Variants in KRAS observed in about 807,000 individuals in gnomAD.
The protein encoded by KRAS is GTPase KRas.
Under a neutral mutation model 21.0 loss-of-function variants are expected in KRAS, and 1 was observed. That is an observed-to-expected ratio of 0.05 (90% CI 0.02 to 0.23). The LOEUF (loss-of-function observed/expected upper bound fraction) is 0.23. Ranked by LOEUF, KRAS falls within the 10% of genes least tolerant of loss-of-function variation. The pLI is 1.00. For synonymous variants in KRAS, 67 were observed against 72.5 expected, an observed-to-expected ratio of 0.92 and a Z score of 0.39; for missense variants, 107 against 221.8, an observed-to-expected ratio of 0.48 and a Z score of 3.29.
Position 25,209,040 on chromosome 12 carries a change from A to G in KRAS, c.*755T>C. ...AGTAGCATGTAAATATAGCCCCAAA[A>G]TGGTTGCTATAATAATCCCCATTTC... On this transcript the variant is annotated 3_prime_UTR_variant, in exon 5 of 5. Transcript: ENST00000311936. The G allele has an allele frequency of 7.6e-6, 3 of 395,942 alleles. No individual in the cohort carries two copies. Among genetic ancestry groups the G allele is most frequent in the Non-Finnish European group, 1.3e-5 (3 of 224,636 alleles). 24.5% of individuals were successfully genotyped at this position (395,942 alleles called of 1,614,324 possible). A position where few individuals can be genotyped will look rare whatever the true frequency, so the allele number is the denominator to read the frequency against.
intron 2 of KRAS, among the ~76,000 whole-genome samples, chr12:25,235,959 C>T (rs970791146): frequency 5.3e-5 from 8 of 152,246 alleles, no homozygotes; most frequent in African/African-American, 1.9e-4. Flanking sequence ...GTTCACGCTC[C>T]TATTAGAATC....
chr12:25,242,548 G>A (rs1467969369), intron 2 of KRAS, among the ~76,000 whole-genome samples: 4 of 152,006 alleles, frequency 2.6e-5, no homozygotes, highest in African/African-American at 9.7e-5. Flanking sequence ...CTTCATAAAA[G>A]ATAACAATAT....
At chr12:25,229,770 CTTTT>C (rs11287628) in intron 2 of KRAS, among the ~76,000 whole-genome samples, 4 of 128,642 alleles carry the variant, frequency 3.1e-5, no homozygotes, top group East Asian at 2.3e-4. Flanking sequence ...ATTAATGTAT[CTTTT>C]TTTTTTTTTT....
intron 1 of KRAS, among the ~76,000 whole-genome samples, chr12:25,249,764 G>T (rs1473229739): frequency 1.3e-5 from 2 of 152,070 alleles, no homozygotes; most frequent in Non-Finnish European, 2.9e-5. Context: ...GTATAAAAGA[G>T]ACGAGGGGAT....
intron 2 of KRAS, among the ~76,000 whole-genome samples, chr12:25,240,025 C>T (rs1238339148): frequency 6.6e-6 from 1 of 151,876 alleles, no homozygotes; most frequent in East Asian, 1.9e-4. Context: ...GACACACTAC[C>T]TACCTTACTT....
intron 4 of KRAS, among the ~76,000 whole-genome samples, chr12:25,217,210 C>A (rs181881763): frequency 7.9e-5 from 12 of 152,226 alleles, no homozygotes; most frequent in Admixed American, 1.3e-4. Context: ...ATGGCTAGGG[C>A]TTAATTTTTG....
intron 2 of KRAS, among the ~76,000 whole-genome samples, chr12:25,228,513 A>C (rs61762363): frequency 0.015 from 2,347 of 152,216 alleles, 42 homozygotes; most frequent in Middle Eastern, 0.054. Context: ...GCCAACACAA[A>C]AGGACAAATA....
At chr12:25,231,631 C>G (rs1204673205) in intron 2 of KRAS, among the ~76,000 whole-genome samples, 1 of 152,038 alleles carries the variant, frequency 6.6e-6, no homozygotes, top group African/African-American at 2.4e-5. Flanking sequence ...TTTTCCCTAC[C>G]AGACCTTAAA....
At chr12:25,224,552 A>G (rs61762413) in intron 4 of KRAS, among the ~76,000 whole-genome samples, 29 of 152,350 alleles carry the variant, frequency 1.9e-4, no homozygotes, top group African/African-American at 6.7e-4. Context: ...TCAAAATGTT[A>G]GGAAAAATTA....
chr12:25,215,463 A>G, intron 4 of KRAS: 1 of 1,612,534 alleles, frequency 6.2e-7, no homozygotes, highest in Non-Finnish European at 8.5e-7. Context: ...GCATTTTTTA[A>G]TTTTCACACA....
intron 2 of KRAS, among the ~76,000 whole-genome samples, chr12:25,228,393 G>A (rs1440116294): frequency 6.6e-6 from 1 of 151,762 alleles, no homozygotes; most frequent in Non-Finnish European, 1.5e-5. Flanking sequence ...AAAAAAATCT[G>A]AAATCCAAAC....
chr12:25,244,784 T>A (rs1443466396), intron 2 of KRAS, among the ~76,000 whole-genome samples: 2 of 152,032 alleles, frequency 1.3e-5, no homozygotes, highest in Non-Finnish European at 2.9e-5. Context: ...CTTAGGCAAA[T>A]AATTCATTTT....
At chr12:25,226,203 G>A (rs1685294039) in intron 3 of KRAS, among the ~76,000 whole-genome samples, 1 of 152,100 alleles carries the variant, frequency 6.6e-6, no homozygotes, top group Non-Finnish European at 1.5e-5. Context: ...AAACAAAGTG[G>A]ACAACTAGAA....
In KRAS at chr12:25,208,123, A is replaced by G. The variant is rs1951159609; in HGVS notation, c.*1672T>C. ...TTTACAGATTGTGCTGAGCTTGACAAATAAGTGTATCCTTATGTAAATGGA... is the reference window on the plus strand; with the variant it reads ...TTTACAGATTGTGCTGAGCTTGACAGATAAGTGTATCCTTATGTAAATGGA... On this transcript the variant is annotated 3_prime_UTR_variant, in exon 5 of 5. Coordinates refer to ENST00000311936, the MANE Select transcript of KRAS (RefSeq NM_004985.5). The G allele has an allele frequency of 8.6e-6, 2 of 233,366 alleles. No homozygotes were observed. The highest frequency in any genetic ancestry group is 1.7e-5 in the Non-Finnish European group (2 of 117,968). The allele number at this position is 233,366 out of a possible 1,614,324, so 14.5% of individuals were successfully genotyped here.
At chr12:25,249,039 T>C (rs376427356) in intron 1 of KRAS, among the ~76,000 whole-genome samples, 139 of 152,356 alleles carry the variant, frequency 9.1e-4, no homozygotes, top group African/African-American at 3.3e-3. Context: ...TGTAAAATGA[T>C]TTCTATTATA....
chr12:25,205,481 C>T lies in KRAS; in HGVS notation c.*4314G>A, dbSNP rs1165123333. On this transcript the variant is annotated 3_prime_UTR_variant, in exon 5 of 5. Transcript: ENST00000311936. ...TGCATATGTCCCACAAAAGAAAGCA[C>T]AATGTACAAAATGTGCATGTTTCAG... 4.6e-6 allele frequency: 1 copy of T among 215,636 alleles called. No individual in the cohort carries two copies. The highest frequency in any genetic ancestry group is 9.3e-6 in the Non-Finnish European group (1 of 107,422). 13.4% of individuals were successfully genotyped at this position (215,636 alleles called of 1,614,324 possible). A position where few individuals can be genotyped will look rare whatever the true frequency, so the allele number is the denominator to read the frequency against.
chr12:25,216,061 G>A (rs1951251384), intron 4 of KRAS, among the ~76,000 whole-genome samples: 1 of 152,116 alleles, frequency 6.6e-6, no homozygotes, highest in Admixed American at 6.5e-5. Flanking sequence ...AATCTCAAAG[G>A]TGAGTCAAGA....
chr12:25,211,075 C>T lies in KRAS; in HGVS notation c.451-1164G>A, dbSNP rs560831639. 4.6e-5 allele frequency: 7 copies of T among 152,244 alleles called. 1 individual carries two copies. The South Asian group carries it at 1.4e-3, about 32-fold the overall frequency. 9.4% of individuals were successfully genotyped at this position (152,244 alleles called of 1,614,324 possible). On this transcript the variant is annotated intron_variant, in intron 4 of 4. Coordinates refer to ENST00000311936, the MANE Select transcript of KRAS (RefSeq NM_004985.5). ...AAGAAAATCTGTTAACCTCACAATA[C>T]TTCCAAACCTAGACAGCAGAGGGAG...
intron 1 of KRAS, among the ~76,000 whole-genome samples, chr12:25,245,897 G>C (rs1353226944): frequency 6.6e-6 from 1 of 152,140 alleles, no homozygotes; most frequent in Admixed American, 6.6e-5. Context: ...AACTTTTAAA[G>C]CATCATGGCA....
Sources: gnomAD v4.1 joint callset for allele counts (sites outside exome capture counted in the v4.1 genomes callset) on GRCh38, gnomAD v4.1.1 for gene constraint, MANE v1.5 for transcripts, NCBI Gene and HGNC (gene_info 2026-07-23, HGNC 2026-07-21) for gene names.